Variants in OR56A3 observed in about 807,000 individuals in gnomAD.
The protein encoded by OR56A3 is olfactory receptor family 56 subfamily A member 3.
In OR56A3, 23 loss-of-function variants were observed where a neutral mutation model predicts 17.5. The ratio of observed to expected loss-of-function variants is 1.32; its 90% CI spans 0.95 to 1.87. The LOEUF (loss-of-function observed/expected upper bound fraction) is 1.87, where lower values mean the gene tolerates loss of function less well. Ranked by LOEUF, OR56A3 falls within the 40% of genes most tolerant of loss-of-function variation. The probability of loss-of-function intolerance (pLI) is 0.00; values close to 1 mark genes in which losing one functional copy is unlikely to be tolerated. For missense variants in OR56A3, 366 were observed against 380.1 expected (o/e 0.96, Z 0.31); for synonymous variants, 175 against 150.6 (o/e 1.16, Z -1.19).
the OR56A3 span, chr11:5,986,562 A>C: frequency 1.6e-5 from 26 of 1,614,030 alleles, no homozygotes; most frequent in Non-Finnish European, 2.2e-5. Context: ...AGGAGAATGC[A>C]TGGATGAAGA....
chr11:5,943,513 TAAAAAAAAA>T (rs375923866), intron 1 of OR56A3: 1 of 136,856 alleles, frequency 7.3e-6, no homozygotes, highest in Non-Finnish European at 1.6e-5. Context: ...TGATTTTCTT[TAAAAAAAAA>T]AAAAAAAAAA....
intron 2 of OR56A3, among the ~76,000 whole-genome samples, chr11:5,945,817 C>G (rs2134361495): frequency 6.6e-6 from 1 of 152,050 alleles, no homozygotes; most frequent in East Asian, 1.9e-4. Context: ...CAGTTCCCAG[C>G]AAGTAGAAAG....
the OR56A3 span, among the ~76,000 whole-genome samples, chr11:5,989,972 A>G: frequency 6.6e-6 from 1 of 152,318 alleles, no homozygotes; most frequent in East Asian, 1.9e-4. Flanking sequence ...ATCTAATTCA[A>G]CCCAAGCAAC....
At chr11:6,006,278 T>C in the OR56A3 span, 1 of 152,208 alleles carries the variant, frequency 6.6e-6, no homozygotes, top group Admixed American at 6.5e-5. Context: ...TGGAATGATT[T>C]TTCCTCCCTC....
At chr11:5,971,541 TAAG>T in the OR56A3 span, among the ~76,000 whole-genome samples, 12 of 152,168 alleles carry the variant, frequency 7.9e-5, no homozygotes, top group Non-Finnish European at 1.3e-4. Context: ...TGGATTTTAC[TAAG>T]AAGACTGTAC....
At chr11:6,018,055 T>C in the OR56A3 span, among the ~76,000 whole-genome samples, 1 of 151,944 alleles carries the variant, frequency 6.6e-6, no homozygotes, top group South Asian at 2.1e-4. Flanking sequence ...TATATATATA[T>C]ATATATGCAC....
chr11:5,968,552 A>C, the OR56A3 span: 3 of 1,191,764 alleles, frequency 2.5e-6, no homozygotes, highest in Non-Finnish European at 3.6e-6. Flanking sequence ...AAGACACAGG[A>C]ATTAGAAATA....
At chr11:6,002,419 A>T in the OR56A3 span, 12 of 1,614,150 alleles carry the variant, frequency 7.4e-6, no homozygotes, top group East Asian at 1.1e-4. Flanking sequence ...ATGTCATCAC[A>T]AGAGAGTTTG....
Position 5,947,636 on chromosome 11 carries a change from G to C in OR56A3, c.290G>C (p.Ser97Thr), listed in dbSNP as rs1478664090. The change falls in exon 3 of 3, where the codon AGC becomes ACC. Residue 97 changes from serine (S) to threonine (T), a missense_variant. By Grantham distance (58) the Ser-to-Thr change is moderately conservative. Coordinates refer to ENST00000641160, the MANE Select transcript of OR56A3 (RefSeq NM_001003443.3). ...TTCTGGTTTGACCTCAGGCCCATCA[G>C]CTTCCCTGCCTGCTTCCTCCAGATG... ...TIFWFDLRPISFPACFLQMYI... is the reference protein window; with the variant it reads ...TIFWFDLRPITFPACFLQMYI... The C allele has an allele frequency of 6.4e-5, 103 of 1,614,070 alleles. No individual in the cohort carries two copies. Among genetic ancestry groups the C allele is most frequent in the Non-Finnish European group, 8.6e-5 (101 of 1,180,050 alleles).
At position 5,942,364 on chromosome 11, in the gene OR56A3, C is replaced by T. The variant is rs1398886137; in HGVS notation, c.-324C>T. Reference sequence around the variant, plus strand: ...GAGAAGGAAATAAATAAAGACTGCACCCTGTCTCAGGTAAAGAGGCTTATG... The same window carrying T: ...GAGAAGGAAATAAATAAAGACTGCATCCTGTCTCAGGTAAAGAGGCTTATG... On this transcript the variant is annotated 5_prime_UTR_variant, in exon 1 of 3. Coordinates refer to ENST00000641160, the MANE Select transcript of OR56A3 (RefSeq NM_001003443.3). 2 of 152,170 alleles carry T rather than the reference C, an allele frequency of 1.3e-5. No individual in the cohort carries two copies. The highest frequency in any genetic ancestry group is 2.9e-5 in the Non-Finnish European group (2 of 68,024). 9.4% of individuals were successfully genotyped at this position (152,170 alleles called of 1,614,324 possible).
rs139258998 is a variant in OR56A3, at chr11:5,943,868, A to G, written c.-313-938A>G. On this transcript the variant is annotated intron_variant, in intron 1 of 2. Coordinates refer to ENST00000641160, the MANE Select transcript of OR56A3 (RefSeq NM_001003443.3). ...AAATGACAAGAAAGTAATGCAGAAG[A>G]TAGTGTTTAAAGGGAATATGTGGAA... is the stretch of plus-strand genomic sequence containing the variant. 8.0e-4 allele frequency among the ~76,000 whole-genome samples: 122 copies of G among 152,326 alleles called. 1 individual carries two copies. The highest frequency in any genetic ancestry group is 2.6e-3 in the African/African-American group (110 of 41,568).
the OR56A3 span, among the ~76,000 whole-genome samples, chr11:6,015,932 T>G: frequency 6.6e-6 from 1 of 152,136 alleles, no homozygotes; most frequent in African/African-American, 2.4e-5. Context: ...CATAATTGTA[T>G]TTTGCCATGT....
the OR56A3 span, among the ~76,000 whole-genome samples, chr11:5,970,728 T>A: frequency 6.6e-6 from 1 of 151,906 alleles, no homozygotes; most frequent in South Asian, 2.1e-4. Context: ...GGGAGACAAC[T>A]ACTATTTCCA....
At chr11:5,951,641 C>A (rs927377506), downstream of OR56A3, among the ~76,000 whole-genome samples, 42 of 152,136 alleles carry the variant, frequency 2.8e-4, no homozygotes, top group African/African-American at 9.9e-4. Flanking sequence ...GAGGGCAGGC[C>A]CAGCTGATGC....
At chr11:6,021,876 G>C in the OR56A3 span, 1 of 152,002 alleles carries the variant, frequency 6.6e-6, no homozygotes, top group Non-Finnish European at 1.5e-5. Flanking sequence ...AAGCATTCTC[G>C]CATTACTATT....
the OR56A3 span, among the ~76,000 whole-genome samples, chr11:5,972,828 G>A: frequency 1.3e-5 from 2 of 152,058 alleles, no homozygotes. Context: ...AGGGTTTCAC[G>A]TCAAGAAATC....
chr11:5,986,302 GT>G, the OR56A3 span: 6 of 1,614,002 alleles, frequency 3.7e-6, no homozygotes, highest in Non-Finnish European at 5.1e-6. Flanking sequence ...ATTGACTGTG[GT>G]TTCTGAGCAG....
the OR56A3 span, among the ~76,000 whole-genome samples, chr11:6,014,735 T>C: frequency 6.6e-6 from 1 of 152,208 alleles, no homozygotes; most frequent in East Asian, 1.9e-4. Flanking sequence ...GTTAAATTTT[T>C]GTGAGCAAAA....
chr11:6,002,219 C>A, the OR56A3 span: 1 of 1,614,046 alleles, frequency 6.2e-7, no homozygotes, highest in South Asian at 1.1e-5. Context: ...CCAGAACCAG[C>A]AGGACTGTGC....
Sources: gnomAD v4.1 joint callset for allele counts (sites outside exome capture counted in the v4.1 genomes callset) on GRCh38, gnomAD v4.1.1 for gene constraint, MANE v1.5 for transcripts, NCBI Gene and HGNC (gene_info 2026-07-23, HGNC 2026-07-21) for gene names.